Variants in HIPK1 observed in about 807,000 individuals in gnomAD.
HIPK1 encodes homeodomain interacting protein kinase 1.
In HIPK1, 28 loss-of-function variants were observed where a neutral mutation model predicts 117.1. The ratio of observed to expected loss-of-function variants is 0.24; its 90% CI spans 0.18 to 0.33. The LOEUF is 0.33. Ranked by LOEUF, HIPK1 falls within the 10% of genes least tolerant of loss-of-function variation. The pLI is 1.00. For synonymous variants in HIPK1, 605 were observed against 562.5 expected (o/e 1.08, Z -1.07); for missense variants, 1,122 against 1,475.1 (o/e 0.76, Z 3.92).
intron 1 of HIPK1, among the ~76,000 whole-genome samples, chr1:113,932,767 A>G (rs1039792881): frequency 3.3e-5 from 5 of 151,986 alleles, no homozygotes; most frequent in Non-Finnish European, 7.4e-5. Context: ...CTTTTTTGCT[A>G]GTGTCTTCTG....
chr1:113,957,303 T>C lies in HIPK1; in HGVS notation c.1755+17T>C. 6.3e-7 allele frequency: 1 copy of C among 1,596,998 alleles called. No individual in the cohort carries two copies. Among genetic ancestry groups the C allele is most frequent in the South Asian group, 1.1e-5 (1 of 89,862 alleles). On this transcript the variant is annotated intron_variant, in intron 7 of 15. Transcript: ENST00000426820. ...CACAATCAGGTATTCAATAAATAAT[T>C]TTGGAAACTCAAGCTTAAGTGGGAT...
In HIPK1 at chr1:113,966,145, G is replaced by A; in HGVS notation, c.2254G>A (p.Gly752Arg). The change falls in exon 11 of 16, where the codon GGG (glycine) becomes AGG (arginine). Residue 752 changes from glycine (G) to arginine (R), a missense_variant. This residue lies in a region of HIPK1 where 731 missense variants were observed against 860.4 expected (regional missense o/e 0.85). Transcript: ENST00000426820. ...TTCCTTACAGCAGGCGTGGCCTGGA[G>A]GGACTCAGCAAATTCTCCTGCCTTC... is the stretch of plus-strand genomic sequence containing the variant. ...TAAVLQAWPGGTQQILLPSTW... is the reference protein window; with the variant it reads ...TAAVLQAWPGRTQQILLPSTW... The A allele has an allele frequency of 1.2e-6, 2 of 1,613,928 alleles. No individual in the cohort carries two copies. Among genetic ancestry groups the A allele is most frequent in the Non-Finnish European group, 1.7e-6 (2 of 1,179,906 alleles).
rs767114575 is a variant in HIPK1 at position 113,967,920 on chromosome 1, A to C, written c.2536A>C (p.Asn846His). Reference protein sequence around the residue: ...QQSSSLPSKKNKQSAPVSSKS... With the variant: ...QQSSSLPSKKHKQSAPVSSKS... ...ATCCAGTTCCCTCCCTTCGAAGAAG[A>C]ATAAGCAGTCAGCTCCAGTCTCTTC... Residue 846 changes from asparagine to histidine, a missense_variant, in exon 12 of 16, where the codon AAT becomes CAT. Transcript: ENST00000426820. 4 of 1,608,640 alleles carry C rather than the reference A, an allele frequency of 2.5e-6. No homozygotes were observed. Among genetic ancestry groups the C allele is most frequent in the African/African-American group, 1.3e-5 (1 of 74,566 alleles).
rs192567386 is a variant in HIPK1, at chr1:113,977,116, A to T, written c.*3604A>T. On this transcript the variant is annotated 3_prime_UTR_variant, in exon 16 of 16. Coordinates refer to ENST00000426820, the MANE Select transcript of HIPK1 (RefSeq NM_198268.3). The stretch of plus-strand genomic sequence containing the variant: ...TGCCCTTAGCCAGGCAAGCACAGTA[A>T]TGTGTGTTTTGTTCAGCATTATTAT... 2.6e-5 allele frequency: 4 copies of T among 152,706 alleles called. No homozygotes were observed. Among genetic ancestry groups the T allele is most frequent in the African/African-American group, 9.7e-5 (4 of 41,434 alleles). The allele number at this position is 152,706 out of a possible 1,614,324, so 9.5% of individuals were successfully genotyped here. A position where few individuals can be genotyped will look rare whatever the true frequency, so the allele number is the denominator to read the frequency against.
rs1448642549 is a variant in HIPK1 at position 113,973,279 on chromosome 1, T to C, written c.3400T>C (p.Ser1134Pro). 6.2e-7 allele frequency: 1 copy of C among 1,614,024 alleles called. No individual in the cohort carries two copies. The highest frequency in any genetic ancestry group is 1.7e-5 in the Admixed American group (1 of 59,998). Residue 1134 changes from serine to proline, a missense_variant, in exon 16 of 16, where the codon TCC (serine) becomes CCC (proline). Ser to Pro is a moderately conservative substitution (Grantham distance 74). Transcript: ENST00000426820. Reference sequence around the variant, plus strand: ...AACCAGCTCCATTGCTCATCTTTTCTCCCCACAGGGTTCCTCAAGGCATGC... The same window carrying C: ...AACCAGCTCCATTGCTCATCTTTTCCCCCCACAGGGTTCCTCAAGGCATGC... Reference protein sequence around the residue: ...GSTSSIAHLFSPQGSSRHAAA... With the variant: ...GSTSSIAHLFPPQGSSRHAAA...
In HIPK1 at chr1:113,955,593, A is replaced by G. The variant is rs1319997875; in HGVS notation, c.1351A>G (p.Ile451Val). 8.7e-6 allele frequency: 14 copies of G among 1,604,620 alleles called. No homozygotes were observed. Among genetic ancestry groups the G allele is most frequent in the Non-Finnish European group, 1.2e-5 (14 of 1,171,782 alleles). ...TGAAGAACATGAACTGGAGACTGGA[A>G]TAAAATCAAAAGAAGCTCGGAAGTA... ...TPEEHELETG[I>V]KSKEARKYIF... Residue 451 changes from isoleucine (I) to valine (V), a missense_variant, in exon 5 of 16, where the codon ATA becomes GTA. Around this residue, in one of 6 missense-constraint regions of HIPK1, gnomAD observed 127 missense variants for 197.9 expected, o/e 0.64. Coordinates refer to ENST00000426820, the MANE Select transcript of HIPK1 (RefSeq NM_198268.3).
chr1:113,974,265 A>G lies in HIPK1; in HGVS notation c.*753A>G, dbSNP rs1263707220. 1 of 152,750 alleles carries G rather than the reference A, an allele frequency of 6.5e-6. No homozygotes were observed. The highest frequency in any genetic ancestry group is 2.4e-5 in the African/African-American group (1 of 41,468). The allele number at this position is 152,750 out of a possible 1,614,324, so 9.5% of individuals were successfully genotyped here. A position where few individuals can be genotyped will look rare whatever the true frequency, so the allele number is the denominator to read the frequency against. ...ATGTGAGAGAATCCATATCTGCGTG[A>G]AAACACCAAGTATTCTTTTTAAATG... On this transcript the variant is annotated 3_prime_UTR_variant, in exon 16 of 16. Coordinates refer to ENST00000426820, the MANE Select transcript of HIPK1 (RefSeq NM_198268.3).
At chr1:113,972,053 A>G (rs1278054667) in intron 15 of HIPK1, 99 bp downstream of exon 15, 1 of 1,612,934 alleles carries the variant, frequency 6.2e-7, no homozygotes, top group Non-Finnish European at 8.5e-7. Flanking sequence ...AGCCAAATGA[A>G]GCCCCTTTTG....
At chr1:113,970,579 G>GT (rs377085568) in intron 14 of HIPK1, among the ~76,000 whole-genome samples, 182 of 152,292 alleles carry the variant, frequency 1.2e-3, no homozygotes, top group Admixed American at 4.9e-3. Flanking sequence ...CTGCAAAAGT[G>GT]TTTTGGAAAA....
At chr1:113,942,426 T>C (rs1203571121) in intron 2 of HIPK1, among the ~76,000 whole-genome samples, 5 of 152,318 alleles carry the variant, frequency 3.3e-5, no homozygotes, top group Admixed American at 6.5e-5. Flanking sequence ...TGAGCATATG[T>C]TGCTGTTTTT....
Position 113,957,180 on chromosome 1 carries a change from A to T in HIPK1, c.1649A>T (p.Asp550Val), listed in dbSNP as rs755709220. The change falls in exon 7 of 16, where the codon GAT (aspartate) becomes GTT (valine). Residue 550 changes from aspartate to valine, a missense_variant. Physicochemically the swap from Asp to Val is radical, Grantham distance 152. Around this residue, in one of 6 missense-constraint regions of HIPK1, gnomAD observed 731 missense variants for 860.4 expected, o/e 0.85. Coordinates refer to ENST00000426820, the MANE Select transcript of HIPK1 (RefSeq NM_198268.3). ...TGCAAGCGGAGGGTTCACATGTATG[A>T]TACAGTGAGTCAGATCAAGAGTCCC... ...EICKRRVHMY[D>V]TVSQIKSPFT... The T allele has an allele frequency of 2.5e-6, 4 of 1,612,834 alleles. No individual in the cohort carries two copies. The South Asian group carries it at 4.4e-5, about 18-fold the overall frequency.
chr1:113,972,976 G>T (rs370913626), intron 15 of HIPK1, 48 bp from the exon 16 acceptor site: 118 of 1,507,376 alleles, frequency 7.8e-5, no homozygotes, highest in Non-Finnish European at 1.0e-4. Context: ...TTGGTGCCCT[G>T]AGCTGGAGTG....
At chr1:113,940,122 T>A (rs1670552609) in intron 1 of HIPK1, among the ~76,000 whole-genome samples, 5 of 152,158 alleles carry the variant, frequency 3.3e-5, no homozygotes. Context: ...GTTACTTTTT[T>A]ATCTTAAAAT....
intron 1 of HIPK1, among the ~76,000 whole-genome samples, chr1:113,934,872 C>T (rs1670151081): frequency 6.7e-6 from 1 of 148,274 alleles, no homozygotes; most frequent in South Asian, 2.1e-4. Context: ...TGCCTGTAGT[C>T]CTAGCTACTT....
rs1422929026 is a variant in HIPK1, at chr1:113,977,854, G to A, written c.*4342G>A. On this transcript the variant is annotated 3_prime_UTR_variant, in exon 16 of 16. Coordinates refer to ENST00000426820, the MANE Select transcript of HIPK1 (RefSeq NM_198268.3). ...TAGGATATAAAGGGGATCAATAAAT[G>A]ACATCTTTGAAAGTGGCTAAGCATA... is the stretch of plus-strand genomic sequence containing the variant. The A allele has an allele frequency of 2.0e-5, 3 of 152,678 alleles. No homozygotes were observed. The highest frequency in any genetic ancestry group is 4.8e-5 in the African/African-American group (2 of 41,444). 9.5% of individuals were successfully genotyped at this position (152,678 alleles called of 1,614,324 possible).
Position 113,941,648 on chromosome 1 carries a change from C to T in HIPK1, c.1076+189C>T, listed in dbSNP as rs1670643931. Among the ~76,000 whole-genome samples the T allele has an allele frequency of 6.6e-6, 1 of 152,172 alleles. No homozygotes were observed. On this transcript the variant is annotated intron_variant, in intron 2 of 15. Coordinates refer to ENST00000426820, the MANE Select transcript of HIPK1 (RefSeq NM_198268.3). This position sits in a 1 kb window ranked among gnomAD's most constrained non-coding sequence, Gnocchi z 4.9. ...CATTTATTTCTGAAATTTTATCTAG[C>T]ACTGGAAAAATTAACTCAGTCTGAT...
chr1:113,935,637 C>T (rs959549296), intron 1 of HIPK1, among the ~76,000 whole-genome samples: 2 of 152,264 alleles, frequency 1.3e-5, no homozygotes, highest in Admixed American at 6.5e-5. Context: ...TTTATACTCC[C>T]ATCAGCAGTA....
intron 2 of HIPK1, among the ~76,000 whole-genome samples, chr1:113,952,177 G>A (rs1325001934): frequency 6.6e-6 from 1 of 151,888 alleles, no homozygotes; most frequent in Non-Finnish European, 1.5e-5. Context: ...GACCTCAGGT[G>A]ATCCACCCGC....
chr1:113,932,311 C>T (rs535799754), intron 1 of HIPK1: 2 of 151,328 alleles, frequency 1.3e-5, no homozygotes, highest in Admixed American at 1.3e-4. Context: ...ATGAGAAGAC[C>T]TTTGCCAGCA....
Sources: allele counts gnomAD v4.1 joint callset (sites outside exome capture counted in the v4.1 genomes callset), GRCh38; gene constraint gnomAD v4.1.1; regional missense constraint gnomAD v4.1.1; non-coding constraint Gnocchi (gnomAD v3.1); transcripts MANE v1.5; gene names NCBI Gene and HGNC (gene_info 2026-07-23, HGNC 2026-07-21).